The following TBCA variants were observed in gnomAD, a reference collection of about 807,000 sequenced individuals.
The protein encoded by TBCA is tubulin-specific chaperone A.
TBCA carries 6 observed loss-of-function variants against 15.8 expected under a neutral mutation model. The ratio of observed to expected loss-of-function variants is 0.38; its 90% CI spans 0.21 to 0.75. The LOEUF is 0.75. Among genes scored for constraint, TBCA ranks in the 30% least tolerant of loss-of-function variants. The pLI, the probability that TBCA is intolerant of heterozygous loss-of-function variation, is 0.46. For synonymous variants in TBCA, 32 were observed against 42.3 expected, an observed-to-expected ratio of 0.76 and a Z score of 0.94; for missense variants, 90 against 131.2, an observed-to-expected ratio of 0.69 and a Z score of 1.53.
At chr5:77,722,260 A>G (rs1746544088) in intron 1 of TBCA, among the ~76,000 whole-genome samples, 1 of 152,092 alleles carries the variant, frequency 6.6e-6, no homozygotes, top group Non-Finnish European at 1.5e-5. Context: ...AAGACACAGG[A>G]GCTGTAATTA....
chr5:77,738,787 T>C (rs1299620387), intron 1 of TBCA, among the ~76,000 whole-genome samples: 1 of 152,132 alleles, frequency 6.6e-6, no homozygotes, highest in Non-Finnish European at 1.5e-5. Flanking sequence ...TTCACCATGT[T>C]GGCCAGGCTG....
chr5:77,752,267 C>T (rs1190431843), intron 1 of TBCA, among the ~76,000 whole-genome samples: 1 of 152,196 alleles, frequency 6.6e-6, no homozygotes, highest in Admixed American at 6.5e-5. Flanking sequence ...TACCCTTCCC[C>T]CACATTAACT....
intron 1 of TBCA, among the ~76,000 whole-genome samples, chr5:77,717,942 CA>C (rs1294681057): frequency 6.6e-6 from 1 of 151,650 alleles, no homozygotes; most frequent in Non-Finnish European, 1.5e-5. Flanking sequence ...CCAACCTGAA[CA>C]ACATGGAGAA....
At chr5:77,693,427 T>C (rs974252219) in intron 2 of TBCA, 75 bp from the exon 3 acceptor site, 2 of 1,490,396 alleles carry the variant, frequency 1.3e-6, no homozygotes, top group Non-Finnish European at 1.8e-6. Flanking sequence ...TTGGTAAGTA[T>C]ATCCTTATTA....
chr5:77,760,296 A>G (rs1257742071), intron 1 of TBCA, among the ~76,000 whole-genome samples: 9 of 152,238 alleles, frequency 5.9e-5, no homozygotes, highest in Admixed American at 5.9e-4. Context: ...TAAGGAAAAA[A>G]ATCACTCTTT....
chr5:77,707,599 G>A (rs1353253142), intron 2 of TBCA, among the ~76,000 whole-genome samples: 2 of 152,102 alleles, frequency 1.3e-5, no homozygotes, highest in Non-Finnish European at 2.9e-5. Context: ...CTCATTTCTT[G>A]ATTCAAAATC....
Position 77,691,500 on chromosome 5 carries a change from TA to T in TBCA, c.247-3del. 1 of 1,578,928 alleles carries T rather than the reference TA, an allele frequency of 6.3e-7. No individual in the cohort carries two copies. Among genetic ancestry groups the T allele is most frequent in the Non-Finnish European group, 8.6e-7 (1 of 1,164,980 alleles). On this transcript the variant is annotated splice_region_variant and splice_polypyrimidine_tract_variant and intron_variant, in intron 3 of 3. Transcript: ENST00000380377. ...TTCTTCCAAGTCTTTTTCATTTTCCTAAAATGAAATACAATAAAAATTAAGT... is the reference window on the plus strand; with the variant it reads ...TTCTTCCAAGTCTTTTTCATTTTCCTAAATGAAATACAATAAAAATTAAGT...
At chr5:77,706,810 T>TAAAAAAAAAAAAAAAAAAAAAAAAA (rs370852221) in intron 2 of TBCA, among the ~76,000 whole-genome samples, 1 of 108,446 alleles carries the variant, frequency 9.2e-6, no homozygotes. Context: ...GACTCCATCT[T>TAAAAAAAAAAAAAAAAAAAAAAAAA]AAAAAAAAAA....
intron 1 of TBCA, among the ~76,000 whole-genome samples, chr5:77,741,496 A>G (rs1219681424): frequency 1.3e-5 from 2 of 152,202 alleles, no homozygotes; most frequent in Non-Finnish European, 2.9e-5. Flanking sequence ...GGGCACATAC[A>G]AAGAGCACCT....
At chr5:77,701,724 T>C (rs1340459478) in intron 2 of TBCA, among the ~76,000 whole-genome samples, 1 of 134,528 alleles carries the variant, frequency 7.4e-6, no homozygotes, top group Non-Finnish European at 1.6e-5. Flanking sequence ...TATATATATA[T>C]ATGATGGAAT....
chr5:77,711,332 T>C (rs919742128), intron 1 of TBCA, among the ~76,000 whole-genome samples: 5 of 152,124 alleles, frequency 3.3e-5, no homozygotes, highest in East Asian at 1.9e-4. Flanking sequence ...TCTGGTCCTT[T>C]ACAAAAAAGG....
At chr5:77,725,522 G>T (rs369536014) in intron 1 of TBCA, among the ~76,000 whole-genome samples, 1 of 152,130 alleles carries the variant, frequency 6.6e-6, no homozygotes, top group East Asian at 1.9e-4. Context: ...TGAAAATATC[G>T]CTATTGATAA....
intron 1 of TBCA, among the ~76,000 whole-genome samples, chr5:77,756,407 AG>A (rs1458071526): frequency 6.6e-6 from 1 of 152,214 alleles, no homozygotes; most frequent in Non-Finnish European, 1.5e-5. Flanking sequence ...CCGGTCACTC[AG>A]AGGCACCTTC....
intron 1 of TBCA, among the ~76,000 whole-genome samples, chr5:77,739,491 A>G (rs1385429134): frequency 1.3e-5 from 2 of 152,216 alleles, no homozygotes; most frequent in African/African-American, 2.4e-5. Flanking sequence ...CTTGCTCTAT[A>G]GAGAAGGCCA....
intron 1 of TBCA, among the ~76,000 whole-genome samples, chr5:77,725,307 C>T (rs1004601267): frequency 1.3e-5 from 2 of 152,206 alleles, no homozygotes; most frequent in Non-Finnish European, 2.9e-5. Flanking sequence ...TGCTCCTCCA[C>T]AAAATACAAC....
chr5:77,695,800 T>C lies in TBCA; in HGVS notation c.160-2448A>G, dbSNP rs112696902. 8.9e-3 allele frequency among the ~76,000 whole-genome samples: 1,358 copies of C among 152,330 alleles called. 10 individuals carry two copies. Among genetic ancestry groups the C allele is most frequent in the Middle Eastern group, 0.075 (22 of 294 alleles). On this transcript the variant is annotated intron_variant, in intron 2 of 3. Transcript: ENST00000380377. ...TAAATCTGAGCTTAATTCAGGATCTTGGCACAGACTGGGAGATGCAAAGAA... is the reference window on the plus strand; with the variant it reads ...TAAATCTGAGCTTAATTCAGGATCTCGGCACAGACTGGGAGATGCAAAGAA...
At chr5:77,733,869 G>T (rs1283672145) in intron 1 of TBCA, among the ~76,000 whole-genome samples, 1 of 152,166 alleles carries the variant, frequency 6.6e-6, no homozygotes, top group African/African-American at 2.4e-5. Context: ...CACTGCTTAG[G>T]CTTAAAAGCT....
chr5:77,776,168 G>A (rs1001168500), intron 1 of TBCA, 37 bp downstream of exon 1: 5 of 1,550,736 alleles, frequency 3.2e-6, no homozygotes, highest in Non-Finnish European at 4.4e-6. Context: ...ATGAGGTGAC[G>A]AAGAGGAGGT....
intron 1 of TBCA, among the ~76,000 whole-genome samples, chr5:77,723,787 A>G (rs1484049740): frequency 6.6e-6 from 1 of 152,102 alleles, no homozygotes. Flanking sequence ...CGTATCTTAA[A>G]TACTTTGAAA....
Sources: allele counts gnomAD v4.1 joint callset (sites outside exome capture counted in the v4.1 genomes callset), GRCh38; gene constraint gnomAD v4.1.1; transcripts MANE v1.5; gene names NCBI Gene and HGNC (gene_info 2026-07-23, HGNC 2026-07-21).